Variants in GALNT2 observed in about 807,000 individuals in gnomAD.
The protein encoded by GALNT2 is UDP-GalNAc:polypeptide N-acetylgalactosaminyltransferase 2.
A neutral mutation model predicts 81.4 loss-of-function variants in GALNT2; 31 were observed. That is an observed-to-expected ratio of 0.38 (90% CI 0.29 to 0.51). The LOEUF (loss-of-function observed/expected upper bound fraction) is 0.51, where lower values mean the gene tolerates loss of function less well. Ranked by LOEUF, GALNT2 falls within the 20% of genes least tolerant of loss-of-function variation. GALNT2 has a pLI of 0.87. For synonymous variants in GALNT2, 303 were observed against 287.4 expected, an observed-to-expected ratio of 1.05 and a Z score of -0.55; for missense variants, 629 against 765.7, an observed-to-expected ratio of 0.82 and a Z score of 2.11.
At chr1:230,118,390 A>G (rs769854832) in intron 1 of GALNT2, among the ~76,000 whole-genome samples, 1 of 152,256 alleles carries the variant, frequency 6.6e-6, no homozygotes, top group African/African-American at 2.4e-5. Flanking sequence ...ACTGGACTGT[A>G]TAGAAAGTGT....
intron 3 of GALNT2, among the ~76,000 whole-genome samples, chr1:230,217,724 T>C (rs1273942335): frequency 1.3e-5 from 2 of 152,158 alleles, no homozygotes; most frequent in Non-Finnish European, 2.9e-5. Flanking sequence ...GAACAGTGGA[T>C]CTTCCAGAGG....
upstream of GALNT2, among the ~76,000 whole-genome samples, chr1:230,065,857 A>G (rs1659160854): frequency 6.6e-6 from 1 of 152,116 alleles, no homozygotes; most frequent in South Asian, 2.1e-4. Flanking sequence ...ACTTTTTCCC[A>G]GAAACAAGGC....
intron 8 of GALNT2, 116 bp from the exon 9 acceptor site, chr1:230,249,068 T>C (rs75869862): frequency 2.0e-5 from 21 of 1,035,500 alleles, no homozygotes; most frequent in Non-Finnish European, 3.1e-5. Context: ...GGCTTTGTTT[T>C]GGTTTTCATT....
intron 3 of GALNT2, among the ~76,000 whole-genome samples, chr1:230,206,975 C>G (rs1353807937): frequency 6.6e-6 from 1 of 151,822 alleles, no homozygotes; most frequent in African/African-American, 2.4e-5. Context: ...CCCCTGACCC[C>G]CACTCCAAAA....
intron 3 of GALNT2, among the ~76,000 whole-genome samples, chr1:230,207,031 C>T (rs1664077576): frequency 6.6e-6 from 1 of 151,720 alleles, no homozygotes; most frequent in South Asian, 2.1e-4. Context: ...CAGTTCCTCT[C>T]ACCACCCACA....
chr1:230,119,510 CTG>C (rs1334200728), intron 1 of GALNT2, among the ~76,000 whole-genome samples: 1 of 152,200 alleles, frequency 6.6e-6, no homozygotes, highest in Admixed American at 6.5e-5. Flanking sequence ...CACTGGGTTT[CTG>C]TGGTGGAGGC....
intron 1 of GALNT2, among the ~76,000 whole-genome samples, chr1:230,097,433 C>G (rs979960184): frequency 3.9e-5 from 6 of 152,184 alleles, no homozygotes; most frequent in African/African-American, 1.4e-4. Context: ...TGGCAACCAC[C>G]ATTCTACTTT....
intron 2 of GALNT2, 86 bp from the exon 3 acceptor site, chr1:230,203,051 T>G: frequency 7.1e-7 from 1 of 1,415,076 alleles, no homozygotes; most frequent in Non-Finnish European, 9.6e-7. Flanking sequence ...GGATGTGATT[T>G]CTGGAGTTAA....
At chr1:230,241,743 G>C (rs71654316) in intron 6 of GALNT2, among the ~76,000 whole-genome samples, 2 of 152,224 alleles carry the variant, frequency 1.3e-5, no homozygotes, top group Admixed American at 1.3e-4. Flanking sequence ...CACCACGCCC[G>C]GCCATGAGTT....
At chr1:230,058,068 T>C (rs1307734385) in exon 1 of GALNT2, 8 of 456,176 alleles carry the variant, frequency 1.8e-5, no homozygotes, top group Admixed American at 2.3e-5. Context: ...GTAGCCCCTA[T>C]GGCTGACAGA....
chr1:230,125,325 A>G (rs1282272894), intron 1 of GALNT2, among the ~76,000 whole-genome samples: 3 of 152,196 alleles, frequency 2.0e-5, no homozygotes, highest in African/African-American at 7.2e-5. Context: ...GTGGGGAGAA[A>G]GAAGGAATAG....
intron 1 of GALNT2, among the ~76,000 whole-genome samples, chr1:230,130,598 G>C (rs1332077494): frequency 6.6e-6 from 1 of 152,290 alleles, no homozygotes; most frequent in East Asian, 1.9e-4. Context: ...CCTGGGGACC[G>C]ACCCCTGTGT....
intron 1 of GALNT2, among the ~76,000 whole-genome samples, chr1:230,147,349 T>C (rs1391194937): frequency 6.6e-6 from 1 of 152,230 alleles, no homozygotes. Flanking sequence ...TTCATTGTGT[T>C]CAAACCTTCT....
intron 1 of GALNT2, among the ~76,000 whole-genome samples, chr1:230,107,100 C>G (rs1660566349): frequency 6.6e-6 from 1 of 152,194 alleles, no homozygotes. Flanking sequence ...AGTTGCATCT[C>G]GTCAGCAGGA....
At chr1:230,111,860 C>T (rs1418948167) in intron 1 of GALNT2, among the ~76,000 whole-genome samples, 1 of 151,868 alleles carries the variant, frequency 6.6e-6, no homozygotes, top group Admixed American at 6.6e-5. Flanking sequence ...TTTTTCCTGT[C>T]TTACCTAAGA....
At chr1:230,062,512 A>T (rs1404393884), upstream of GALNT2, among the ~76,000 whole-genome samples, 2 of 152,108 alleles carry the variant, frequency 1.3e-5, no homozygotes, top group African/African-American at 4.8e-5. Context: ...GGAACTCCTA[A>T]TTCCTCTCTT....
intron 2 of GALNT2, among the ~76,000 whole-genome samples, chr1:230,190,846 T>C (rs1301249529): frequency 6.6e-6 from 1 of 152,212 alleles, no homozygotes; most frequent in Non-Finnish European, 1.5e-5. Context: ...ATTGAACTTA[T>C]TTTTTGTTGT....
chr1:230,174,928 C>G (rs1461196465), intron 1 of GALNT2, among the ~76,000 whole-genome samples: 1 of 152,240 alleles, frequency 6.6e-6, no homozygotes, highest in Non-Finnish European at 1.5e-5. Context: ...GGTACCACTT[C>G]CGTGTACAGC....
chr1:230,113,477 A>C (rs545977788), intron 1 of GALNT2, among the ~76,000 whole-genome samples: 2 of 152,162 alleles, frequency 1.3e-5, no homozygotes, highest in Admixed American at 6.5e-5. Context: ...GTGGATAAGA[A>C]GAAGACCTGA....
Sources: gnomAD v4.1 joint callset for allele counts (sites outside exome capture counted in the v4.1 genomes callset) on GRCh38, gnomAD v4.1.1 for gene constraint, MANE v1.5 for transcripts, NCBI Gene and HGNC (gene_info 2026-07-23, HGNC 2026-07-21) for gene names.